Variants in HS6ST3 observed in about 807,000 individuals in gnomAD.
The protein encoded by HS6ST3 is heparan-sulfate 6-O-sulfotransferase 3.
HS6ST3 carries 12 observed loss-of-function variants against 36.7 expected under a neutral mutation model. The observed-to-expected ratio is 0.33, with a 90% confidence interval of 0.21 to 0.53. The LOEUF (loss-of-function observed/expected upper bound fraction) is 0.53, where lower values mean the gene tolerates loss of function less well. HS6ST3 is among the 20% of genes least tolerant of loss of function. The pLI is 0.95. For missense variants in HS6ST3, 584 were observed against 640.9 expected, an observed-to-expected ratio of 0.91 and a Z score of 0.96; for synonymous variants, 240 against 257.5, an observed-to-expected ratio of 0.93 and a Z score of 0.65.
intron 1 of HS6ST3, among the ~76,000 whole-genome samples, chr13:96,298,328 A>C (rs1017080220): frequency 4.6e-5 from 7 of 152,238 alleles, no homozygotes; most frequent in Non-Finnish European, 1.0e-4. Flanking sequence ...GTGCACACAC[A>C]AAACACATAG....
chr13:96,215,946 T>A (rs2054423780), intron 1 of HS6ST3, among the ~76,000 whole-genome samples: 1 of 152,220 alleles, frequency 6.6e-6, no homozygotes, highest in Admixed American at 6.5e-5. Flanking sequence ...TTGTTGCTGT[T>A]ATCAACCTAT....
In HS6ST3 at chr13:96,181,706, C is replaced by T. The variant is rs1566901524; in HGVS notation, c.707+90137C>T. On this transcript the variant is annotated intron_variant, in intron 1 of 1. Transcript: ENST00000376705. The stretch of plus-strand genomic sequence containing the variant: ...GAACTCTGTGACTGCCCAACATGCT[C>T]CTAAAACAGAATCCACCCTCTTGAG... Among the ~76,000 whole-genome samples the T allele has an allele frequency of 2.6e-5, 4 of 152,154 alleles. No individual in the cohort carries two copies. The East Asian group carries it at 7.7e-4, about 29-fold the overall frequency.
At chr13:96,104,252 A>G (rs2053830932) in intron 1 of HS6ST3, among the ~76,000 whole-genome samples, 1 of 152,212 alleles carries the variant, frequency 6.6e-6, no homozygotes, top group African/African-American at 2.4e-5. Flanking sequence ...TAAAGTTTGC[A>G]TTGCAATAAG....
intron 1 of HS6ST3, among the ~76,000 whole-genome samples, chr13:96,332,088 C>G (rs1438426473): frequency 2.6e-4 from 39 of 152,300 alleles, no homozygotes; most frequent in Non-Finnish European, 8.8e-5. Flanking sequence ...GTCTGGCACT[C>G]CCTAGTGAGA....
chr13:96,376,511 G>GA (rs937685691), intron 1 of HS6ST3, among the ~76,000 whole-genome samples: 2 of 152,134 alleles, frequency 1.3e-5, no homozygotes, highest in Non-Finnish European at 2.9e-5. Flanking sequence ...GTCTTGCTAA[G>GA]AAAAAATTGA....
intron 1 of HS6ST3, among the ~76,000 whole-genome samples, chr13:96,472,144 C>G (rs573391264): frequency 6.6e-6 from 1 of 152,210 alleles, no homozygotes; most frequent in African/African-American, 2.4e-5. Flanking sequence ...TTCATCTTCT[C>G]TATTCTATTG....
At chr13:96,708,330 C>T (rs904413196) in intron 1 of HS6ST3, among the ~76,000 whole-genome samples, 6 of 152,230 alleles carry the variant, frequency 3.9e-5, no homozygotes. Flanking sequence ...TCTGGACCTT[C>T]TATCTAGAGC....
intron 1 of HS6ST3, among the ~76,000 whole-genome samples, chr13:96,278,037 T>C (rs570002973): frequency 6.2e-4 from 95 of 152,288 alleles, no homozygotes; most frequent in African/African-American, 1.7e-3. Context: ...ATACAGGAGG[T>C]ATTTTAAAGA....
chr13:96,303,421 T>C (rs780264538), intron 1 of HS6ST3, among the ~76,000 whole-genome samples: 41 of 152,316 alleles, frequency 2.7e-4, no homozygotes, highest in Non-Finnish European at 3.4e-4. Context: ...GAGAAGGGGC[T>C]AAGTGTTGCT....
chr13:96,674,484 CG>C (rs2056692543), intron 1 of HS6ST3, among the ~76,000 whole-genome samples: 2 of 151,974 alleles, frequency 1.3e-5, no homozygotes, highest in African/African-American at 4.8e-5. Flanking sequence ...TTTAATCCCC[CG>C]GGCTTCTCCT....
rs11843551 is a variant in HS6ST3 at position 96,754,886 on chromosome 13, C to T, written c.708-77604C>T. On this transcript the variant is annotated intron_variant, in intron 1 of 1. Transcript: ENST00000376705. ...ATTACATATTACATTATAGGTGTAA[C>T]GTACATATATATCATATATAATAAT... 1.8e-3 allele frequency among the ~76,000 whole-genome samples: 271 copies of T among 151,980 alleles called. 3 individuals are homozygous for T. The East Asian group carries it at 0.02, about 11-fold the overall frequency.
At chr13:96,297,475 C>T (rs560332103) in intron 1 of HS6ST3, among the ~76,000 whole-genome samples, 4 of 152,238 alleles carry the variant, frequency 2.6e-5, no homozygotes, top group Admixed American at 1.3e-4. Context: ...TTCCCTGTAG[C>T]GTGTAGGTTA....
chr13:96,444,672 A>G (rs1848129084), intron 1 of HS6ST3, among the ~76,000 whole-genome samples: 1 of 152,236 alleles, frequency 6.6e-6, no homozygotes, highest in Admixed American at 6.5e-5. Context: ...TTATGTAGGA[A>G]TATATTTAGT....
chr13:96,099,246 A>G (rs1036846163), intron 1 of HS6ST3, among the ~76,000 whole-genome samples: 3 of 152,116 alleles, frequency 2.0e-5, no homozygotes, highest in Non-Finnish European at 4.4e-5. Context: ...CCCAACACAT[A>G]TATGTTGTTT....
rs549457910 is a variant in HS6ST3 at position 96,643,397 on chromosome 13, G to A, written c.708-189093G>A. On this transcript the variant is annotated intron_variant, in intron 1 of 1. Coordinates refer to ENST00000376705, the MANE Select transcript of HS6ST3 (RefSeq NM_153456.4). ...TAGCTATATGCACACCCCTACACAT[G>A]CACAAGGGCTTCCAGATTCTCAGGA... Among the ~76,000 whole-genome samples the A allele has an allele frequency of 3.9e-5, 6 of 152,008 alleles. No individual in the cohort carries two copies. The South Asian group carries it at 1.2e-3, about 32-fold the overall frequency.
intron 1 of HS6ST3, among the ~76,000 whole-genome samples, chr13:96,818,413 A>G (rs1566461270): frequency 6.6e-6 from 1 of 152,206 alleles, no homozygotes; most frequent in Non-Finnish European, 1.5e-5. Flanking sequence ...TATTTCCAGC[A>G]TAATTTGGTT....
intron 1 of HS6ST3, among the ~76,000 whole-genome samples, chr13:96,496,886 G>T (rs2138910036): frequency 6.6e-6 from 1 of 152,222 alleles, no homozygotes; most frequent in East Asian, 1.9e-4. Context: ...AGAAAGCCAG[G>T]ACCAGACATA....
intron 1 of HS6ST3, among the ~76,000 whole-genome samples, chr13:96,312,920 C>A (rs943481434): frequency 1.4e-5 from 2 of 139,026 alleles, no homozygotes; most frequent in Admixed American, 7.5e-5. Context: ...CCACTGCACT[C>A]CAGCCTGGGT....
chr13:96,553,237 C>G (rs1044028010), intron 1 of HS6ST3, among the ~76,000 whole-genome samples: 1 of 152,180 alleles, frequency 6.6e-6, no homozygotes, highest in African/African-American at 2.4e-5. Context: ...ATGCCCATTG[C>G]TCAATATTCA....
Sources: gnomAD v4.1 joint callset for allele counts (sites outside exome capture counted in the v4.1 genomes callset) on GRCh38, gnomAD v4.1.1 for gene constraint, MANE v1.5 for transcripts, NCBI Gene and HGNC (gene_info 2026-07-23, HGNC 2026-07-21) for gene names.